Variants in PPP1R36 observed in about 807,000 individuals in gnomAD.
PPP1R36 encodes the protein chromosome 14 open reading frame 50.
A neutral mutation model predicts 53.4 loss-of-function variants in PPP1R36; 47 were observed. The observed-to-expected ratio is 0.88, with a 90% confidence interval of 0.70 to 1.12. PPP1R36 has a LOEUF of 1.12. Ranked by LOEUF, PPP1R36 falls within the 50% of genes most tolerant of loss-of-function variation. The pLI is 0.00. For missense variants in PPP1R36, 456 were observed against 513.9 expected (o/e 0.89, Z 1.09); for synonymous variants, 153 against 170.5 (o/e 0.90, Z 0.80).
At chr14:64,588,851 C>T (rs532126917) in intron 11 of PPP1R36, among the ~76,000 whole-genome samples, 194 of 152,198 alleles carry the variant, frequency 1.3e-3, no homozygotes, top group African/African-American at 1.2e-3. Flanking sequence ...TGAGCCACCG[C>T]GCCCAGCCTG....
chr14:64,579,210 C>T lies in PPP1R36; in HGVS notation c.668+4621C>T, dbSNP rs138882298. ...TGTGATAATACGTACAACAAACCCC[C>T]GTGACTCGTGTTTATCTATTTAACA... On this transcript the variant is annotated intron_variant, in intron 8 of 11. Coordinates refer to ENST00000298705, the MANE Select transcript of PPP1R36 (RefSeq NM_172365.3). Among the ~76,000 whole-genome samples, 342 of 152,210 alleles carry T rather than the reference C, an allele frequency of 2.2e-3. 7 individuals are homozygous for T. Among genetic ancestry groups the T allele is most frequent in the Non-Finnish European group, 5.1e-4 (35 of 68,022 alleles).
At chr14:64,552,948 G>T in intron 3 of PPP1R36, 87 bp downstream of exon 3, 2 of 1,232,962 alleles carry the variant, frequency 1.6e-6, no homozygotes, top group South Asian at 2.6e-5. Context: ...AAGCACAAGA[G>T]AATGTGTGTA....
chr14:64,566,999 C>T (rs895665557), intron 6 of PPP1R36, among the ~76,000 whole-genome samples: 4 of 152,256 alleles, frequency 2.6e-5, no homozygotes, highest in African/African-American at 9.6e-5. Context: ...CTCATTTCCC[C>T]ACTTTCTTAC....
intron 2 of PPP1R36, 82 bp from the exon 3 acceptor site, chr14:64,552,731 AG>A: frequency 9.3e-7 from 1 of 1,080,954 alleles, no homozygotes; most frequent in South Asian, 1.4e-5. Flanking sequence ...CAAAATCAAA[AG>A]TTTACATTTT....
intron 3 of PPP1R36, among the ~76,000 whole-genome samples, chr14:64,560,846 A>G (rs1343112507): frequency 1.3e-5 from 2 of 152,216 alleles, no homozygotes; most frequent in Non-Finnish European, 2.9e-5. Flanking sequence ...GTGTCACTTT[A>G]TAAGTCTGCA....
intron 3 of PPP1R36, among the ~76,000 whole-genome samples, chr14:64,556,133 T>TC (rs1407710637): frequency 6.6e-6 from 1 of 150,620 alleles, no homozygotes; most frequent in Non-Finnish European, 1.5e-5. Context: ...ATTGATTTTT[T>TC]TTTTTTTTTT....
chr14:64,554,587 CT>C (rs1228675554), intron 3 of PPP1R36, among the ~76,000 whole-genome samples: 1 of 152,090 alleles, frequency 6.6e-6, no homozygotes, highest in African/African-American at 2.4e-5. Flanking sequence ...CTACTGGAGA[CT>C]TTTGTTACTC....
intron 1 of PPP1R36, chr14:64,550,346 GGAGACC>G: frequency 8.6e-7 from 1 of 1,162,832 alleles, no homozygotes; most frequent in Non-Finnish European, 1.1e-6. Context: ...TGCAAAATAG[GGAGACC>G]TACTGCGGGG....
At chr14:64,557,721 GA>G (rs1405724299) in intron 3 of PPP1R36, among the ~76,000 whole-genome samples, 4 of 152,190 alleles carry the variant, frequency 2.6e-5, no homozygotes, top group African/African-American at 4.8e-5. Flanking sequence ...CAAAGACAGA[GA>G]AAGAATGGGC....
chr14:64,585,703 T>C (rs1000294612), intron 8 of PPP1R36, among the ~76,000 whole-genome samples: 1 of 152,046 alleles, frequency 6.6e-6, no homozygotes, highest in Non-Finnish European at 1.5e-5. Flanking sequence ...TGAGCTATGA[T>C]CACACTACTG....
Position 64,574,576 on chromosome 14 carries a change from A to T in PPP1R36, c.655A>T (p.Met219Leu). ...CTTGGCCGTGCCGGATAAGCATCACATGTGCTGTGGAAAGTAAGCAGATAC... is the reference window on the plus strand; with the variant it reads ...CTTGGCCGTGCCGGATAAGCATCACTTGTGCTGTGGAAAGTAAGCAGATAC... ...LGLAVPDKHH[M>L]CCGKEKISDT... Residue 219 changes from methionine to leucine, a missense_variant, in exon 8 of 12, where the codon ATG becomes TTG. Physicochemically the swap from Met to Leu is conservative, Grantham distance 15. Transcript: ENST00000298705. 1 of 1,612,972 alleles carries T rather than the reference A, an allele frequency of 6.2e-7. No homozygotes were observed. Among genetic ancestry groups the T allele is most frequent in the South Asian group, 1.1e-5 (1 of 90,752 alleles).
intron 3 of PPP1R36, among the ~76,000 whole-genome samples, chr14:64,564,493 G>T (rs1194004239): frequency 6.6e-6 from 1 of 152,196 alleles, no homozygotes; most frequent in Non-Finnish European, 1.5e-5. Context: ...TTCTTATGAA[G>T]TTACTACAAT....
intron 7 of PPP1R36, 82 bp from the exon 8 acceptor site, chr14:64,574,373 T>A: frequency 7.2e-7 from 1 of 1,390,218 alleles, no homozygotes; most frequent in East Asian, 2.3e-5. Flanking sequence ...GAAGAAAAGT[T>A]TATAATTCTG....
chr14:64,555,683 C>G (rs1349063832), intron 3 of PPP1R36, among the ~76,000 whole-genome samples: 1 of 152,078 alleles, frequency 6.6e-6, no homozygotes, highest in Non-Finnish European at 1.5e-5. Context: ...GGGAATAGCA[C>G]CAGCCGCTGT....
chr14:64,560,141 A>G (rs2080195135), intron 3 of PPP1R36, among the ~76,000 whole-genome samples: 1 of 140,580 alleles, frequency 7.1e-6, no homozygotes, highest in Non-Finnish European at 1.5e-5. Flanking sequence ...AAAGAACCGC[A>G]TCTTAGAAAA....
At chr14:64,584,736 T>C (rs1207855304) in intron 8 of PPP1R36, among the ~76,000 whole-genome samples, 1 of 152,204 alleles carries the variant, frequency 6.6e-6, no homozygotes, top group Non-Finnish European at 1.5e-5. Context: ...GTCTCAACTT[T>C]AGTTTCCTCA....
chr14:64,571,846 G>A (rs988110112), intron 7 of PPP1R36, among the ~76,000 whole-genome samples: 1 of 152,152 alleles, frequency 6.6e-6, no homozygotes, highest in African/African-American at 2.4e-5. Context: ...CTTACATGGT[G>A]GCAGGCAAGA....
intron 3 of PPP1R36, 130 bp from the exon 4 acceptor site, chr14:64,564,621 G>T: frequency 1.8e-6 from 1 of 569,532 alleles, no homozygotes. Flanking sequence ...ATAAATAGAT[G>T]AATTGAACAC....
At chr14:64,556,460 T>TA (rs2080152839) in intron 3 of PPP1R36, among the ~76,000 whole-genome samples, 1 of 151,986 alleles carries the variant, frequency 6.6e-6, no homozygotes, top group Admixed American at 6.6e-5. Context: ...TTTAAAAACT[T>TA]AAAAAAATAA....
Sources: gnomAD v4.1 joint callset for allele counts (sites outside exome capture counted in the v4.1 genomes callset) on GRCh38, gnomAD v4.1.1 for gene constraint, MANE v1.5 for transcripts, NCBI Gene and HGNC (gene_info 2026-07-23, HGNC 2026-07-21) for gene names.